Variants in USP17L1 observed in about 807,000 individuals in gnomAD.
USP17L1 encodes ubiquitin carboxyl-terminal hydrolase 17-like protein 1.
In USP17L1, 42 loss-of-function variants were observed where a neutral mutation model predicts 31.4. The observed-to-expected ratio is 1.34, with a 90% CI of 1.05 to 1.73. The LOEUF (loss-of-function observed/expected upper bound fraction) is 1.73, where lower values mean the gene tolerates loss of function less well. Among genes scored for constraint, USP17L1 ranks in the 40% most tolerant of loss-of-function variants. The pLI is 0.00. For synonymous variants in USP17L1, 230 were observed against 194.4 expected, an observed-to-expected ratio of 1.18 and a Z score of -1.52; for missense variants, 576 against 495.8, an observed-to-expected ratio of 1.16 and a Z score of -1.54.
Position 7,333,205 on chromosome 8 carries a change from C to G in USP17L1, c.819C>G (p.Ala273=). 1.1e-6 allele frequency: 1 copy of G among 873,588 alleles called. No individual in the cohort carries two copies. Among genetic ancestry groups the G allele is most frequent in the South Asian group, 1.4e-5 (1 of 72,484 alleles). 54.1% of individuals were successfully genotyped at this position (873,588 alleles called of 1,614,324 possible). ...ASNTLTLHTS[A]KVLILVLKRF... is the part of the protein sequence containing the mutation. Reference sequence around the variant, plus strand: ...ACACGTTAACTTTACACACTTCTGCCAAGGTCCTCATCCTTGTCTTGAAGA... The same window carrying G: ...ACACGTTAACTTTACACACTTCTGCGAAGGTCCTCATCCTTGTCTTGAAGA... Residue 273 remains alanine, a synonymous_variant, in exon 1 of 1, where the codon GCC becomes GCG. Coordinates refer to ENST00000529559, the MANE Select transcript of USP17L1 (RefSeq NM_001256873.1).
In USP17L1 at chr8:7,333,378, A is replaced by G. The variant is rs530788496; in HGVS notation, c.992A>G (p.His331Arg). 1,472 of 1,571,358 alleles carry G rather than the reference A, an allele frequency of 9.4e-4. 81 individuals are homozygous for G. Among genetic ancestry groups the G allele is most frequent in the Non-Finnish European group, 1.2e-3 (1,385 of 1,169,846 alleles). ...AVLVHAGWSC[H>R]DGHYFSYVKA... ...CTGGTCCACGCTGGGTGGAGTTGTC[A>G]CGACGGACATTACTTCTCCTATGTC... Residue 331 changes from histidine to arginine, a missense_variant, in exon 1 of 1, where the codon CAC becomes CGC. Physicochemically the swap from His to Arg is conservative, Grantham distance 29. Transcript: ENST00000529559.
rs542925192 is a variant in USP17L1 at position 7,333,238 on chromosome 8, C to T, written c.852C>T (p.Ser284=). The change falls in exon 1 of 1, where the codon TCC becomes TCT. Residue 284 remains serine (S), a synonymous_variant. Coordinates refer to ENST00000529559, the MANE Select transcript of USP17L1 (RefSeq NM_001256873.1). Reference sequence around the variant, plus strand: ...TCATCCTTGTCTTGAAGAGATTCTCCGATGTCGCAGGCAACAAACTTGCCA... The same window carrying T: ...TCATCCTTGTCTTGAAGAGATTCTCTGATGTCGCAGGCAACAAACTTGCCA... ...KVLILVLKRF[S]DVAGNKLAKN... is the part of the protein sequence containing the mutation. The T allele has an allele frequency of 9.5e-5, 90 of 949,362 alleles. No individual in the cohort carries two copies. The highest frequency in any genetic ancestry group is 9.1e-4 in the East Asian group (36 of 39,774). 58.8% of individuals were successfully genotyped at this position (949,362 alleles called of 1,614,324 possible).
rs767991637 is a variant in USP17L1, at chr8:7,333,636, C to T, written c.1250C>T (p.Ala417Val). The change falls in exon 1 of 1, where the codon GCA (alanine) becomes GTA (valine). Residue 417 changes from alanine to valine, a missense_variant. Coordinates refer to ENST00000529559, the MANE Select transcript of USP17L1 (RefSeq NM_001256873.1). Reference protein sequence around the residue: ...ELKRDHPCLQAPELDEHLVER... With the variant: ...ELKRDHPCLQVPELDEHLVER... ...AAGAGAGACCACCCCTGCCTCCAGG[C>T]ACCCGAGTTGGACGAGCACTTGGTG... 113 of 1,464,496 alleles carry T rather than the reference C, an allele frequency of 7.7e-5. 4 individuals are homozygous for T. Among genetic ancestry groups the T allele is most frequent in the South Asian group, 6.3e-4 (55 of 86,948 alleles). The allele number at this position is 1,464,496 out of a possible 1,614,324, so 90.7% of individuals were successfully genotyped here.
chr8:7,332,982 G>A lies in USP17L1; in HGVS notation c.596G>A (p.Gly199Asp), dbSNP rs748354979. 1.3e-6 allele frequency: 2 copies of A among 1,535,880 alleles called. No individual in the cohort carries two copies. The highest frequency in any genetic ancestry group is 1.1e-5 in the South Asian group (1 of 89,040). Residue 199 changes from glycine to aspartate, a missense_variant, in exon 1 of 1, where the codon GGC (glycine) becomes GAC (aspartate). By Grantham distance (94) the Gly-to-Asp change is moderately conservative (BLOSUM62 -1). Transcript: ENST00000529559. ...DTTLIHQIFGGCWRSQIKCLH... is the reference protein window; with the variant it reads ...DTTLIHQIFGDCWRSQIKCLH... ...ACCCTCATCCACCAAATATTTGGAG[G>A]CTGCTGGAGATCTCAAATCAAGTGT...
Position 7,333,302 on chromosome 8 carries a change from T to C in USP17L1, c.916T>C (p.Tyr306His). The change falls in exon 1 of 1, where the codon TAC (tyrosine) becomes CAC (histidine). Residue 306 changes from tyrosine (Y) to histidine (H), a missense_variant. Physicochemically the swap from Tyr to His is moderately conservative, Grantham distance 83. Coordinates refer to ENST00000529559, the MANE Select transcript of USP17L1 (RefSeq NM_001256873.1). ...TCCTGAGTGCCTTGACATGCAGCCA[T>C]ACATGTCTCAGCAGAACACAGGACC... ...QYPECLDMQP[Y>H]MSQQNTGPLV... 7.7e-7 allele frequency: 1 copy of C among 1,298,714 alleles called. No individual in the cohort carries two copies. Among genetic ancestry groups the C allele is most frequent in the Non-Finnish European group, 1.1e-6 (1 of 930,204 alleles). The allele number at this position is 1,298,714 out of a possible 1,614,324, so 80.4% of individuals were successfully genotyped here.
chr8:7,333,655 C>T lies in USP17L1; in HGVS notation c.1269C>T (p.His423=), dbSNP rs1449766573. The T allele has an allele frequency of 2.6e-6, 4 of 1,556,142 alleles. No individual in the cohort carries two copies. The African/African-American group carries it at 5.6e-5, about 22-fold the overall frequency. ...PCLQAPELDE[H]LVERATQEST... ...TCCAGGCACCCGAGTTGGACGAGCA[C>T]TTGGTGGAAAGAGCCACTCAGGAAA... Residue 423 remains histidine, a synonymous_variant, in exon 1 of 1, where the codon CAC becomes CAT. Coordinates refer to ENST00000529559, the MANE Select transcript of USP17L1 (RefSeq NM_001256873.1).
chr8:7,332,678 C>G lies in USP17L1; in HGVS notation c.292C>G (p.Leu98Val). 3.7e-6 allele frequency: 2 copies of G among 536,936 alleles called. No individual in the cohort carries two copies. The highest frequency in any genetic ancestry group is 6.3e-6 in the Non-Finnish European group (2 of 316,626). The allele number at this position is 536,936 out of a possible 1,614,324, so 33.3% of individuals were successfully genotyped here. ...CTACGAGAACGCTTCCCTGCAGTGC[C>G]TGACATACACACTGCCCCTTGCCAA... ...TCYENASLQC[L>V]TYTLPLANYM... Residue 98 changes from leucine (L) to valine (V), a missense_variant, in exon 1 of 1, where the codon CTG becomes GTG. Leu to Val is a conservative substitution (Grantham distance 32, BLOSUM62 1). Coordinates refer to ENST00000529559, the MANE Select transcript of USP17L1 (RefSeq NM_001256873.1).
chr8:7,333,393 T>A lies in USP17L1; in HGVS notation c.1007T>A (p.Phe336Tyr), dbSNP rs1407724547. Residue 336 changes from phenylalanine (F) to tyrosine (Y), a missense_variant, in exon 1 of 1, where the codon TTC becomes TAC. Transcript: ENST00000529559. ...TGGAGTTGTCACGACGGACATTACT[T>A]CTCCTATGTCAAAGCTCAAGAAGTC... ...AGWSCHDGHYFSYVKAQEVQW... is the reference protein window; with the variant it reads ...AGWSCHDGHYYSYVKAQEVQW... 1.3e-6 allele frequency: 2 copies of A among 1,574,052 alleles called. No homozygotes were observed. Among genetic ancestry groups the A allele is most frequent in the Non-Finnish European group, 1.7e-6 (2 of 1,171,570 alleles).
chr8:7,332,787 G>A, the USP17L1 span: 1 of 641,652 alleles, frequency 1.6e-6, no homozygotes, highest in Non-Finnish European at 2.6e-6. Flanking sequence ...CACATCACAT[G>A]GGCCCTCCAC....
Position 7,332,981 on chromosome 8 carries a change from G to C in USP17L1, c.595G>C (p.Gly199Arg), listed in dbSNP as rs1370308208. The change falls in exon 1 of 1, where the codon GGC becomes CGC. Residue 199 changes from glycine (G) to arginine (R), a missense_variant. Physicochemically the swap from Gly to Arg is moderately radical, Grantham distance 125. Transcript: ENST00000529559. Reference protein sequence around the residue: ...DTTLIHQIFGGCWRSQIKCLH... With the variant: ...DTTLIHQIFGRCWRSQIKCLH... The stretch of plus-strand genomic sequence containing the variant: ...CACCCTCATCCACCAAATATTTGGA[G>C]GCTGCTGGAGATCTCAAATCAAGTG... 5.9e-6 allele frequency: 9 copies of C among 1,536,364 alleles called. No individual in the cohort carries two copies. Among genetic ancestry groups the C allele is most frequent in the African/African-American group, 2.2e-5 (1 of 45,780 alleles).
rs759584446 is a variant in USP17L1, at chr8:7,333,433, G to A, written c.1047G>A (p.Met349Ile). The A allele has an allele frequency of 3.8e-6, 6 of 1,571,304 alleles. No individual in the cohort carries two copies. Among genetic ancestry groups the A allele is most frequent in the East Asian group, 2.3e-5 (1 of 44,422 alleles). Residue 349 changes from methionine to isoleucine, a missense_variant, in exon 1 of 1, where the codon ATG becomes ATA. By Grantham distance (10) the Met-to-Ile change is conservative. Coordinates refer to ENST00000529559, the MANE Select transcript of USP17L1 (RefSeq NM_001256873.1). Reference sequence around the variant, plus strand: ...CTCAAGAAGTCCAGTGGTATAAAATGGATGATGCCGAGGTCACTGTCTGTA... The same window carrying A: ...CTCAAGAAGTCCAGTGGTATAAAATAGATGATGCCGAGGTCACTGTCTGTA... ...VKAQEVQWYK[M>I]DDAEVTVCSI...
chr8:7,333,464 A>C lies in USP17L1; in HGVS notation c.1078A>C (p.Ile360Leu). ...DDAEVTVCSI[I>L]SVLSQQAYVL... ...TGCCGAGGTCACTGTCTGTAGCATC[A>C]TTTCTGTCCTGAGTCAACAGGCCTA... Residue 360 changes from isoleucine to leucine, a missense_variant, in exon 1 of 1, where the codon ATT becomes CTT. Transcript: ENST00000529559. 1 of 1,567,892 alleles carries C rather than the reference A, an allele frequency of 6.4e-7. No homozygotes were observed. The highest frequency in any genetic ancestry group is 8.6e-7 in the Non-Finnish European group (1 of 1,164,822).
chr8:7,333,723 C>T lies in USP17L1; in HGVS notation c.1337C>T (p.Thr446Met), dbSNP rs757461657. The change falls in exon 1 of 1, where the codon ACG becomes ATG. Residue 446 changes from threonine (T) to methionine (M), a missense_variant. By Grantham distance (81) the Thr-to-Met change is moderately conservative. Transcript: ENST00000529559. The stretch of plus-strand genomic sequence containing the variant: ...AAATTCCTGCAAGAGCAAAACAAAA[C>T]GAAGCCTGAGTTCAACGTCGGAAAA... Reference protein sequence around the residue: ...HWKFLQEQNKTKPEFNVGKVE... With the variant: ...HWKFLQEQNKMKPEFNVGKVE... 89 of 1,586,326 alleles carry T rather than the reference C, an allele frequency of 5.6e-5. 4 individuals are homozygous for T. The highest frequency in any genetic ancestry group is 4.1e-4 in the Middle Eastern group (2 of 4,832).
chr8:7,332,827 G>A lies in USP17L1; in HGVS notation c.441G>A (p.Gln147=), dbSNP rs749552738. Reference sequence around the variant, plus strand: ...CTGGCCATGTCATCCAGCCCTCACAGGCATTGGCTGCTGGCTTCCATAGAG... The same window carrying A: ...CTGGCCATGTCATCCAGCCCTCACAAGCATTGGCTGCTGGCTTCCATAGAG... The part of the protein sequence containing the change: ...HSPGHVIQPS[Q]ALAAGFHRGK... The change falls in exon 1 of 1, where the codon CAG becomes CAA. Residue 147 remains glutamine, a synonymous_variant. Coordinates refer to ENST00000529559, the MANE Select transcript of USP17L1 (RefSeq NM_001256873.1). The A allele has an allele frequency of 2.5e-6, 2 of 814,548 alleles. No homozygotes were observed. The highest frequency in any genetic ancestry group is 3.8e-6 in the Non-Finnish European group (2 of 529,292). 50.5% of individuals were successfully genotyped at this position (814,548 alleles called of 1,614,324 possible). A position where few individuals can be genotyped will look rare whatever the true frequency, so the allele number is the denominator to read the frequency against.
chr8:7,333,813 A>G lies in USP17L1; in HGVS notation c.1427A>G (p.Lys476Arg). 2.8e-6 allele frequency: 4 copies of G among 1,453,136 alleles called. No individual in the cohort carries two copies. The highest frequency in any genetic ancestry group is 2.0e-5 in the African/African-American group (1 of 49,294). 90.0% of individuals were successfully genotyped at this position (1,453,136 alleles called of 1,614,324 possible). The change falls in exon 1 of 1, where the codon AAA becomes AGA. Residue 476 changes from lysine to arginine, a missense_variant. Lys to Arg is a conservative substitution (Grantham distance 26). Coordinates refer to ENST00000529559, the MANE Select transcript of USP17L1 (RefSeq NM_001256873.1). The stretch of plus-strand genomic sequence containing the variant: ...CAATCAAAATACAAGTGTGGGATGA[A>G]AAACCATCATCCTGAACAGCAAAGC... ...IHQSKYKCGMKNHHPEQQSSL... is the reference protein window; with the variant it reads ...IHQSKYKCGMRNHHPEQQSSL...
chr8:7,332,633 C>T, the USP17L1 span: 1 of 507,664 alleles, frequency 2.0e-6, no homozygotes, highest in Non-Finnish European at 3.3e-6. Flanking sequence ...GGCTGGGCTC[C>T]AGAATATGGG....
In USP17L1 at chr8:7,332,771, C is replaced by A. The variant is rs1444524123; in HGVS notation, c.385C>A (p.Gln129Lys). 1.6e-6 allele frequency: 1 copy of A among 627,642 alleles called. No homozygotes were observed. 38.9% of individuals were successfully genotyped at this position (627,642 alleles called of 1,614,324 possible). ...RPKCCMLCTM[Q>K]AHITWALHSP... ...CAAGTGCTGCATGCTCTGTACTATG[C>A]AAGCTCACATCACATGGGCCCTCCA... Residue 129 changes from glutamine (Q) to lysine (K), a missense_variant, in exon 1 of 1, where the codon CAA (glutamine) becomes AAA (lysine). Physicochemically the swap from Gln to Lys is moderately conservative, Grantham distance 53. Transcript: ENST00000529559.
rs767637996 is a variant in USP17L1, at chr8:7,333,249, G to A, written c.863G>A (p.Gly288Asp). ...TTGAAGAGATTCTCCGATGTCGCAG[G>A]CAACAAACTTGCCAAGAATGTGCAA... ...LVLKRFSDVAGNKLAKNVQYP... is the reference protein window; with the variant it reads ...LVLKRFSDVADNKLAKNVQYP... Residue 288 changes from glycine (G) to aspartate (D), a missense_variant, in exon 1 of 1, where the codon GGC becomes GAC. Physicochemically the swap from Gly to Asp is moderately conservative, Grantham distance 94. Coordinates refer to ENST00000529559, the MANE Select transcript of USP17L1 (RefSeq NM_001256873.1). The A allele has an allele frequency of 2.2e-5, 21 of 969,152 alleles. No individual in the cohort carries two copies. In the Admixed American group the frequency reaches 3.0e-4, roughly 14 times the overall value. The allele number at this position is 969,152 out of a possible 1,614,324, so 60.0% of individuals were successfully genotyped here. A position where few individuals can be genotyped will look rare whatever the true frequency, so the allele number is the denominator to read the frequency against.
chr8:7,333,940 G>A lies in USP17L1; in HGVS notation c.1554G>A (p.Lys518=). The A allele has an allele frequency of 1.3e-6, 2 of 1,578,678 alleles. No homozygotes were observed. Among genetic ancestry groups the A allele is most frequent in the Non-Finnish European group, 1.7e-6 (2 of 1,172,320 alleles). ...GGAGGACCAGGAGAGCCAAAGGGAA[G>A]AACAAACACAGCAAGAGGGCTCTGC... is the stretch of plus-strand genomic sequence containing the variant. ...LQGRTRRAKG[K]NKHSKRALLV... is the part of the protein sequence containing the mutation. The change falls in exon 1 of 1, where the codon AAG becomes AAA. Residue 518 remains lysine, a synonymous_variant. Coordinates refer to ENST00000529559, the MANE Select transcript of USP17L1 (RefSeq NM_001256873.1).
Sources: gnomAD v4.1 joint callset for allele counts on GRCh38, gnomAD v4.1.1 for gene constraint, MANE v1.5 for transcripts, NCBI Gene and HGNC (gene_info 2026-07-23, HGNC 2026-07-21) for gene names.